ASB16: variants seen among roughly 807,000 people sequenced by gnomAD.
ASB16 encodes the protein ankyrin repeat and SOCS box protein 16.
Under a neutral mutation model 39.1 loss-of-function variants are expected in ASB16, and 44 were observed. The observed-to-expected ratio is 1.13, with a 90% confidence interval of 0.88 to 1.45. ASB16 has a LOEUF of 1.45. Among genes scored for constraint, ASB16 ranks in the 40% most tolerant of loss-of-function variants. ASB16 has a pLI of 0.00. For missense variants in ASB16, 698 were observed against 634.5 expected (o/e 1.10, Z -1.07); for synonymous variants, 305 against 286.7 (o/e 1.06, Z -0.64).
intron 4 of ASB16, 53 bp downstream of exon 4, chr17:44,177,775 T>A: frequency 3.8e-6 from 6 of 1,598,910 alleles, no homozygotes; most frequent in Non-Finnish European, 5.1e-6. Flanking sequence ...ACAGGCCTAT[T>A]CCTTCAGGAC....
chr17:44,171,672 G>A (rs2054244007), intron 1 of ASB16, among the ~76,000 whole-genome samples: 1 of 151,634 alleles, frequency 6.6e-6, no homozygotes. Context: ...AGGATTACAG[G>A]TGTGAGCCAC....
Position 44,177,714 on chromosome 17 carries a change from C to A in ASB16, c.1168C>A (p.Leu390Met). Residue 390 changes from leucine to methionine, a missense_variant, in exon 4 of 5, where the codon CTG becomes ATG. Physicochemically the swap from Leu to Met is conservative, Grantham distance 15. Coordinates refer to ENST00000293414, the MANE Select transcript of ASB16 (RefSeq NM_080863.5). ...CTGGGTGGAGGCGGTGCTCCCAGAG[C>A]TGTGGAAGGTATGTTTGCCTCAGGG... ...ETWVEAVLPE[L>M]WKEHEAFYSS... The A allele has an allele frequency of 6.2e-7, 1 of 1,613,538 alleles. No homozygotes were observed.
In ASB16 at chr17:44,172,143, G is replaced by A. The variant is rs1329677641; in HGVS notation, c.399G>A (p.Gln133=). The change falls in exon 2 of 5, where the codon CAG becomes CAA. Residue 133 remains glutamine, a synonymous_variant. Transcript: ENST00000293414. The part of the protein sequence containing the change: ...YTDCARHLIR[Q]GAELDARVGG... ...ACTGTGCTCGACACCTGATCCGGCA[G>A]GGAGCTGAGCTGGATGCCCGTGTCG... is the stretch of plus-strand genomic sequence containing the variant. The A allele has an allele frequency of 6.2e-7, 1 of 1,611,942 alleles. No individual in the cohort carries two copies.
At chr17:44,176,674 C>T (rs747251981) in intron 2 of ASB16, 64 bp from the exon 3 acceptor site, 1 of 1,612,852 alleles carries the variant, frequency 6.2e-7, no homozygotes, top group Non-Finnish European at 8.5e-7. Context: ...GGGAGTGTCA[C>T]AGCAAGCTGA....
At chr17:44,177,275 C>T in intron 3 of ASB16, 45 bp downstream of exon 3, 1 of 1,484,808 alleles carries the variant, frequency 6.7e-7, no homozygotes, top group Non-Finnish European at 8.9e-7. Context: ...TGTGGGGGAG[C>T]CCGCGGCTGG....
chr17:44,172,869 G>A (rs1460694861), intron 2 of ASB16, among the ~76,000 whole-genome samples: 1 of 150,536 alleles, frequency 6.6e-6, no homozygotes, highest in Non-Finnish European at 1.5e-5. Flanking sequence ...CACCCACCTT[G>A]GCCTCCCAAA....
intron 2 of ASB16, among the ~76,000 whole-genome samples, chr17:44,174,455 C>T (rs1349817102): frequency 1.3e-5 from 2 of 152,256 alleles, no homozygotes; most frequent in African/African-American, 4.8e-5. Flanking sequence ...CCCCAGCCTC[C>T]CAAAGTGTTG....
intron 2 of ASB16, chr17:44,175,831 T>A (rs964436618): frequency 6.6e-6 from 1 of 152,238 alleles, no homozygotes; most frequent in Non-Finnish European, 1.5e-5. Flanking sequence ...GTTTTTGTTT[T>A]TCCTTTGGTT....
chr17:44,177,474 G>C, intron 3 of ASB16, 135 bp from the exon 4 acceptor site: 1 of 1,247,286 alleles, frequency 8.0e-7, no homozygotes, highest in Non-Finnish European at 1.1e-6. Flanking sequence ...GGTAGACAGA[G>C]GCACAAAAAA....
chr17:44,175,129 G>A (rs1168548934), intron 2 of ASB16, among the ~76,000 whole-genome samples: 1 of 145,468 alleles, frequency 6.9e-6, no homozygotes, highest in Non-Finnish European at 1.5e-5. Flanking sequence ...ATTGGGCATG[G>A]TGGCTCACAC....
At chr17:44,171,157 A>G in intron 1 of ASB16, 67 bp downstream of exon 1, 6 of 1,488,776 alleles carry the variant, frequency 4.0e-6, no homozygotes, top group Non-Finnish European at 4.5e-6. Context: ...GAAGGGGGAG[A>G]GTCTAGGCCC....
Position 44,172,105 on chromosome 17 carries a change from C to T in ASB16, c.361C>T (p.Arg121Ter), listed in dbSNP as rs200305662. ...QTAPLAIATA[R>*]GYTDCARHLI... Reference sequence around the variant, plus strand: ...GGCACCCCTCGCCATCGCTACAGCCCGAGGCTACACAGACTGTGCTCGACA... The same window carrying T: ...GGCACCCCTCGCCATCGCTACAGCCTGAGGCTACACAGACTGTGCTCGACA... The change falls in exon 2 of 5, where the codon CGA becomes TGA. Residue 121 changes from arginine to a stop codon, truncating the protein, a stop_gained. Coordinates refer to ENST00000293414, the MANE Select transcript of ASB16 (RefSeq NM_080863.5). LOFTEE classifies it high-confidence loss of function. 25 of 1,611,384 alleles carry T rather than the reference C, an allele frequency of 1.6e-5. No individual in the cohort carries two copies. The highest frequency in any genetic ancestry group is 4.5e-5 in the East Asian group (2 of 44,836).
Position 44,177,232 on chromosome 17 carries a change from T to G in ASB16, c.1062+2T>G, listed in dbSNP as rs748579415. The stretch of plus-strand genomic sequence containing the variant: ...GGGGCGCAGCCAGTGCGCCCTGAGG[T>G]GCGCTGGGAGGCCCTGACATAGGAG... On this transcript the variant is annotated splice_donor_variant, in intron 3 of 4. Coordinates refer to ENST00000293414, the MANE Select transcript of ASB16 (RefSeq NM_080863.5). LOFTEE classifies it high-confidence loss of function. The G allele has an allele frequency of 6.5e-7, 1 of 1,533,136 alleles. No individual in the cohort carries two copies. The highest frequency in any genetic ancestry group is 2.4e-5 in the East Asian group (1 of 41,082). 95.0% of individuals were successfully genotyped at this position (1,533,136 alleles called of 1,614,324 possible). A position where few individuals can be genotyped will look rare whatever the true frequency, so the allele number is the denominator to read the frequency against.
chr17:44,171,671 G>C (rs2054243982), intron 1 of ASB16, among the ~76,000 whole-genome samples: 1 of 151,890 alleles, frequency 6.6e-6, no homozygotes, highest in African/African-American at 2.4e-5. Flanking sequence ...TAGGATTACA[G>C]GTGTGAGCCA....
At chr17:44,173,270 G>A (rs1023638328) in intron 2 of ASB16, among the ~76,000 whole-genome samples, 4 of 148,568 alleles carry the variant, frequency 2.7e-5, no homozygotes, top group Non-Finnish European at 6.0e-5. Context: ...GCTGGCGCCT[G>A]TAATCCTAGC....
chr17:44,176,388 C>A, intron 2 of ASB16: 1 of 307,158 alleles, frequency 3.3e-6, no homozygotes, highest in South Asian at 3.4e-5. Flanking sequence ...AGACAACTGA[C>A]AACTGAATGA....
intron 1 of ASB16, 114 bp from the exon 2 acceptor site, chr17:44,171,932 C>T: frequency 8.8e-7 from 1 of 1,139,880 alleles, no homozygotes; most frequent in Non-Finnish European, 1.2e-6. Flanking sequence ...TGTTTGTGCT[C>T]AGCAAACCAT....
Position 44,172,125 on chromosome 17 carries a change from TC to T in ASB16, c.382del (p.Arg128AspfsTer3). The T allele has an allele frequency of 6.2e-7, 1 of 1,611,420 alleles. No homozygotes were observed. On this transcript the variant is annotated frameshift_variant, in exon 2 of 5. Coordinates refer to ENST00000293414, the MANE Select transcript of ASB16 (RefSeq NM_080863.5). LOFTEE classifies it high-confidence loss of function. ...CAGCCCGAGGCTACACAGACTGTGC[TC>T]GACACCTGATCCGGCAGGGAGCTGA... ...ATARGYTDCA[R>X]HLIRQGAELD...
At chr17:44,177,574 G>T (rs761697235) in intron 3 of ASB16, 35 bp from the exon 4 acceptor site, 2 of 1,604,538 alleles carry the variant, frequency 1.2e-6, no homozygotes, top group East Asian at 4.5e-5. Context: ...TCGGGTGGGG[G>T]AGGCATGTGC....
Sources: gnomAD v4.1 joint callset for allele counts (sites outside exome capture counted in the v4.1 genomes callset) on GRCh38, gnomAD v4.1.1 for gene constraint, MANE v1.5 for transcripts, NCBI Gene and HGNC (gene_info 2026-07-23, HGNC 2026-07-21) for gene names.